KCTD8: variants seen among roughly 807,000 people sequenced by gnomAD.
KCTD8 encodes potassium channel tetramerization domain containing 8.
KCTD8 carries 27 observed loss-of-function variants against 31.5 expected under a neutral mutation model. The observed-to-expected ratio is 0.86, with a 90% confidence interval of 0.63 to 1.18. The LOEUF (loss-of-function observed/expected upper bound fraction) is 1.18, where lower values mean the gene tolerates loss of function less well. KCTD8 is among the 50% of genes most tolerant of loss of function. The pLI is 0.00. For missense variants in KCTD8, 658 were observed against 647.7 expected (o/e 1.02, Z -0.17); for synonymous variants, 290 against 280.0 (o/e 1.04, Z -0.36).
At chr4:44,223,965 G>C (rs1714878174) in intron 1 of KCTD8, among the ~76,000 whole-genome samples, 1 of 152,146 alleles carries the variant, frequency 6.6e-6, no homozygotes, top group Non-Finnish European at 1.5e-5. Flanking sequence ...CTTAAGAAAA[G>C]TTTGCAGATA....
At chr4:44,299,984 C>A (rs1384228262) in intron 1 of KCTD8, among the ~76,000 whole-genome samples, 1 of 151,880 alleles carries the variant, frequency 6.6e-6, no homozygotes, top group African/African-American at 2.4e-5. Flanking sequence ...ATCTCCTGAC[C>A]TCGTGACCAC....
intron 1 of KCTD8, among the ~76,000 whole-genome samples, chr4:44,352,847 C>T (rs7675224): frequency 0.81 from 122,932 of 151,842 alleles, 50,023 homozygotes; most frequent in South Asian, 0.87. Flanking sequence ...AATCTGACCA[C>T]ACTAGAATTT....
At chr4:44,403,724 CCAAA>C (rs1441398200) in intron 1 of KCTD8, among the ~76,000 whole-genome samples, 1 of 152,070 alleles carries the variant, frequency 6.6e-6, no homozygotes, top group Non-Finnish European at 1.5e-5. Flanking sequence ...GGTCCCATCT[CCAAA>C]CAGTCATATT....
intron 1 of KCTD8, among the ~76,000 whole-genome samples, chr4:44,338,807 T>C (rs1718821191): frequency 6.6e-6 from 1 of 152,166 alleles, no homozygotes; most frequent in Non-Finnish European, 1.5e-5. Flanking sequence ...CATTTAAAAT[T>C]GAACTTTTTA....
At chr4:44,363,221 T>A (rs1719544995) in intron 1 of KCTD8, among the ~76,000 whole-genome samples, 1 of 152,154 alleles carries the variant, frequency 6.6e-6, no homozygotes, top group South Asian at 2.1e-4. Context: ...AATCAGTAAC[T>A]GAAACTCCTC....
At position 44,313,791 on chromosome 4, in the gene KCTD8, T is replaced by C. The variant is rs1270195141; in HGVS notation, c.961+133772A>G. The stretch of plus-strand genomic sequence containing the variant: ...GAGAGACAGAATAGGCACAGGATGA[T>C]TCAGGAAGAATGTCTTAATTGTTAA... On this transcript the variant is annotated intron_variant, in intron 1 of 1. Transcript: ENST00000360029. Among the ~76,000 whole-genome samples the C allele has an allele frequency of 2.6e-5, 4 of 152,284 alleles. No individual in the cohort carries two copies. In the East Asian group the frequency reaches 7.7e-4, roughly 29 times the overall value.
At chr4:44,214,118 T>C (rs923693564) in intron 1 of KCTD8, among the ~76,000 whole-genome samples, 4 of 152,192 alleles carry the variant, frequency 2.6e-5, no homozygotes, top group Non-Finnish European at 5.9e-5. Context: ...CACCTATTAT[T>C]TTCTAAAAAG....
At chr4:44,405,817 C>CAAAAA (rs903559298) in intron 1 of KCTD8, among the ~76,000 whole-genome samples, 1 of 32,224 alleles carries the variant, frequency 3.1e-5, no homozygotes, top group Non-Finnish European at 5.4e-5. Context: ...TCCTGTTTCT[C>CAAAAA]AAAAAAAAAA....
intron 1 of KCTD8, among the ~76,000 whole-genome samples, chr4:44,277,384 A>G (rs1716781425): frequency 6.6e-6 from 1 of 151,880 alleles, no homozygotes; most frequent in Admixed American, 6.6e-5. Flanking sequence ...TCTAGGCCAT[A>G]AGATCCGCTT....
chr4:44,317,228 C>CTTTTTT (rs760060899), intron 1 of KCTD8, among the ~76,000 whole-genome samples: 645 of 36,508 alleles, frequency 0.018, 183 homozygotes, highest in East Asian at 0.11. Flanking sequence ...TGGGTGCTTT[C>CTTTTTT]TTTTTTTTTT....
chr4:44,429,780 C>T (rs1450553698), intron 1 of KCTD8, among the ~76,000 whole-genome samples: 1 of 151,574 alleles, frequency 6.6e-6, no homozygotes, highest in Non-Finnish European at 1.5e-5. Context: ...AGCAAGACTG[C>T]AGGTAATAGA....
At chr4:44,236,582 CA>C (rs113122806) in intron 1 of KCTD8, among the ~76,000 whole-genome samples, 31 of 144,740 alleles carry the variant, frequency 2.1e-4, no homozygotes, top group South Asian at 4.4e-4. Flanking sequence ...TTACATAAAA[CA>C]AAAAAAAAAG....
intron 1 of KCTD8, among the ~76,000 whole-genome samples, chr4:44,219,511 A>G (rs1207504655): frequency 6.6e-6 from 1 of 152,206 alleles, no homozygotes; most frequent in Non-Finnish European, 1.5e-5. Flanking sequence ...GAAGAATGCC[A>G]TGTGAAGATA....
intron 1 of KCTD8, among the ~76,000 whole-genome samples, chr4:44,321,547 T>TA (rs1718296204): frequency 1.3e-5 from 2 of 152,214 alleles, no homozygotes; most frequent in Non-Finnish European, 2.9e-5. Flanking sequence ...CAATGTATAA[T>TA]AATCCAATCA....
chr4:44,218,700 C>T (rs1309891392), intron 1 of KCTD8, among the ~76,000 whole-genome samples: 3 of 151,696 alleles, frequency 2.0e-5, no homozygotes, highest in Non-Finnish European at 4.4e-5. Flanking sequence ...GCTGCAAAAT[C>T]AAAGGCTTGC....
intron 1 of KCTD8, among the ~76,000 whole-genome samples, chr4:44,216,102 T>C (rs1714644512): frequency 6.6e-6 from 1 of 152,200 alleles, no homozygotes; most frequent in African/African-American, 2.4e-5. Context: ...ATTAAATTTT[T>C]CTGAGTGACA....
At chr4:44,338,632 C>T (rs555115142) in intron 1 of KCTD8, among the ~76,000 whole-genome samples, 4 of 152,124 alleles carry the variant, frequency 2.6e-5, no homozygotes, top group Admixed American at 6.5e-5. Flanking sequence ...CGTGTGGTTT[C>T]GATTTCTGAC....
intron 1 of KCTD8, among the ~76,000 whole-genome samples, chr4:44,324,698 G>T (rs1718397200): frequency 1.3e-5 from 2 of 151,984 alleles, no homozygotes; most frequent in Non-Finnish European, 2.9e-5. Context: ...TAGGAATAAA[G>T]ATTCTTCTGC....
intron 1 of KCTD8, among the ~76,000 whole-genome samples, chr4:44,420,130 A>G (rs1721176241): frequency 6.6e-6 from 1 of 152,118 alleles, no homozygotes; most frequent in South Asian, 2.1e-4. Context: ...AGGTTCATTA[A>G]CAGATAAATC....
Sources: gnomAD v4.1 joint callset for allele counts (sites outside exome capture counted in the v4.1 genomes callset) on GRCh38, gnomAD v4.1.1 for gene constraint, MANE v1.5 for transcripts, NCBI Gene and HGNC (gene_info 2026-07-23, HGNC 2026-07-21) for gene names.